Variants in CCSER1 observed in about 807,000 individuals in gnomAD.
CCSER1 encodes the protein serine-rich coiled-coil domain-containing protein 1.
CCSER1 carries 41 observed loss-of-function variants against 82.0 expected under a neutral mutation model. The ratio of observed to expected loss-of-function variants is 0.50; its 90% CI spans 0.39 to 0.65. The LOEUF is 0.65. Ranked by LOEUF, CCSER1 falls within the 30% of genes least tolerant of loss-of-function variation. CCSER1 has a pLI of 0.00. For missense variants in CCSER1, 1,119 were observed against 1,064.2 expected (o/e 1.05, Z -0.72); for synonymous variants, 414 against 383.9 (o/e 1.08, Z -0.92).
chr4:90,564,243 T>TG (rs1553944768), intron 5 of CCSER1, among the ~76,000 whole-genome samples: 5 of 151,968 alleles, frequency 3.3e-5, no homozygotes, highest in African/African-American at 7.3e-5. Flanking sequence ...TTCATAGAGA[T>TG]GGGGGTCTCA....
intron 1 of CCSER1, among the ~76,000 whole-genome samples, chr4:90,231,751 G>T (rs936668808): frequency 1.3e-5 from 2 of 152,132 alleles, no homozygotes; most frequent in African/African-American, 4.8e-5. Flanking sequence ...ATCTCCTTAA[G>T]CTGCTAAGCA....
chr4:90,852,500 A>C (rs976178203), intron 8 of CCSER1, among the ~76,000 whole-genome samples: 1 of 152,212 alleles, frequency 6.6e-6, no homozygotes, highest in African/African-American at 2.4e-5. Flanking sequence ...GATACTGCAG[A>C]AGCTGCTCAC....
chr4:91,504,814 G>A (rs777544605), intron 10 of CCSER1, among the ~76,000 whole-genome samples: 93 of 152,234 alleles, frequency 6.1e-4, no homozygotes, highest in Non-Finnish European at 1.1e-3. Context: ...AATAATTATG[G>A]TGAGAAGGAG....
chr4:91,054,397 G>A lies in CCSER1; in HGVS notation c.2173-31553G>A, dbSNP rs180832879. Among the ~76,000 whole-genome samples the A allele has an allele frequency of 1.1e-4, 17 of 152,194 alleles. No homozygotes were observed. In the East Asian group the frequency reaches 3.3e-3, roughly 29 times the overall value. On this transcript the variant is annotated intron_variant, in intron 9 of 10. Transcript: ENST00000509176. ...TATTTACCTAGTTTTCATTTAGATG[G>A]AATCTTTTATTTATTTTTTGTTATA... is the stretch of plus-strand genomic sequence containing the variant.
At chr4:91,309,595 T>C (rs1745313977) in intron 10 of CCSER1, among the ~76,000 whole-genome samples, 2 of 152,036 alleles carry the variant, frequency 1.3e-5, no homozygotes, top group South Asian at 2.1e-4. Flanking sequence ...GAATGTTTGC[T>C]TAAGACAGTG....
At chr4:90,315,160 C>CT (rs1208900357) in intron 3 of CCSER1, among the ~76,000 whole-genome samples, 1 of 152,046 alleles carries the variant, frequency 6.6e-6, no homozygotes, top group East Asian at 1.9e-4. Flanking sequence ...CTCCGATCCG[C>CT]TTTTAAGATT....
intron 3 of CCSER1, among the ~76,000 whole-genome samples, chr4:90,359,835 AT>A (rs1744989813): frequency 6.6e-6 from 1 of 150,534 alleles, no homozygotes; most frequent in African/African-American, 2.4e-5. Context: ...GTGTATATAT[AT>A]GTGTATATAT....
Position 90,566,535 on chromosome 4 carries a change from T to G in CCSER1, c.1725-61490T>G, listed in dbSNP as rs567757067. On this transcript the variant is annotated intron_variant, in intron 5 of 10. Coordinates refer to ENST00000509176, the MANE Select transcript of CCSER1 (RefSeq NM_001145065.2). ...TTACTAGTTACTGTATCTTACTGTATGCATCAAGGGCTTTATTCATTTCTT... is the reference window on the plus strand; with the variant it reads ...TTACTAGTTACTGTATCTTACTGTAGGCATCAAGGGCTTTATTCATTTCTT... Among the ~76,000 whole-genome samples the G allele has an allele frequency of 1.1e-4, 17 of 152,152 alleles. 1 individual carries two copies. The South Asian group carries it at 3.3e-3, about 30-fold the overall frequency.
rs1253754575 is a variant in CCSER1, at chr4:90,846,385, A to G, written c.2094+30540A>G. Among the ~76,000 whole-genome samples, 15 of 152,194 alleles carry G rather than the reference A, an allele frequency of 9.9e-5. 1 individual carries two copies. The highest frequency in any genetic ancestry group is 9.8e-4 in the Admixed American group (15 of 15,282). On this transcript the variant is annotated intron_variant, in intron 8 of 10. Transcript: ENST00000509176. ...TTATTGGAATAAAATTATTTTCTTT[A>G]TAGAGATCTATTTAATATTGTTATA...
At chr4:91,153,095 C>G (rs7684465) in intron 10 of CCSER1, among the ~76,000 whole-genome samples, 3 of 151,788 alleles carry the variant, frequency 2.0e-5, no homozygotes, top group Admixed American at 6.6e-5. Context: ...GATAATATCC[C>G]GCAGAGTGTT....
chr4:90,831,945 G>A (rs893773094), intron 8 of CCSER1, among the ~76,000 whole-genome samples: 1 of 151,626 alleles, frequency 6.6e-6, no homozygotes, highest in African/African-American at 2.4e-5. Flanking sequence ...TATATGTTTT[G>A]TATCTTGCTT....
At chr4:91,186,999 C>A (rs1347783563) in intron 10 of CCSER1, among the ~76,000 whole-genome samples, 1 of 152,186 alleles carries the variant, frequency 6.6e-6, no homozygotes, top group Non-Finnish European at 1.5e-5. Context: ...TAGTTTATGG[C>A]CAGATTTTGG....
At chr4:90,856,930 TG>T (rs965240708) in intron 8 of CCSER1, among the ~76,000 whole-genome samples, 1 of 148,370 alleles carries the variant, frequency 6.7e-6, no homozygotes, top group African/African-American at 2.6e-5. Flanking sequence ...CATTCGGAGC[TG>T]GATTTTTTTT....
rs1192094467 is a variant in CCSER1, at chr4:91,565,025, GTTGTGTGTGTGTGTGTGTGTGT to G, written c.2218-33546_2218-33525del. Among the ~76,000 whole-genome samples the G allele has an allele frequency of 7.8e-4, 94 of 120,424 alleles. 1 individual carries two copies. Among genetic ancestry groups the G allele is most frequent in the East Asian group, 3.9e-3 (16 of 4,092 alleles). The allele number at this position is 120,424 out of a possible 152,430, so 79.0% of individuals were successfully genotyped here. Reference sequence around the variant, plus strand: ...AATTTAAGTCTTTAATGCACCTTGAGTTGTGTGTGTGTGTGTGTGTGTGTGTGTGTGTGTGTGTGTGTGTGTG... The same window carrying G: ...AATTTAAGTCTTTAATGCACCTTGAGGTGTGTGTGTGTGTGTGTGTGTGTG... On this transcript the variant is annotated intron_variant, in intron 10 of 10. Coordinates refer to ENST00000509176, the MANE Select transcript of CCSER1 (RefSeq NM_001145065.2).
chr4:91,483,850 A>G (rs181755020), intron 10 of CCSER1, among the ~76,000 whole-genome samples: 28 of 152,330 alleles, frequency 1.8e-4, no homozygotes, highest in Admixed American at 3.9e-4. Context: ...AAGAACAAAC[A>G]TAAATATTCT....
At chr4:90,312,250 A>G (rs115032053) in intron 2 of CCSER1, among the ~76,000 whole-genome samples, 33 of 152,278 alleles carry the variant, frequency 2.2e-4, no homozygotes, top group African/African-American at 7.5e-4. Flanking sequence ...GAGCAGAGTG[A>G]TGGAGGGGAG....
intron 10 of CCSER1, among the ~76,000 whole-genome samples, chr4:91,580,784 C>A (rs1763691907): frequency 6.6e-6 from 1 of 151,724 alleles, no homozygotes; most frequent in Admixed American, 6.6e-5. Context: ...GCCTCCTTGA[C>A]AATTTGGCTT....
intron 9 of CCSER1, among the ~76,000 whole-genome samples, chr4:90,954,904 A>G (rs1198282061): frequency 1.3e-5 from 2 of 152,152 alleles, no homozygotes; most frequent in Non-Finnish European, 2.9e-5. Flanking sequence ...TGATTCTTCT[A>G]TATACATGTA....
chr4:91,498,319 G>T (rs989528237), intron 10 of CCSER1, among the ~76,000 whole-genome samples: 1 of 151,894 alleles, frequency 6.6e-6, no homozygotes, highest in East Asian at 1.9e-4. Context: ...TAGTTACACT[G>T]TATATTATCC....
Sources: allele counts gnomAD v4.1 joint callset (sites outside exome capture counted in the v4.1 genomes callset), GRCh38; gene constraint gnomAD v4.1.1; transcripts MANE v1.5; gene names NCBI Gene and HGNC (gene_info 2026-07-23, HGNC 2026-07-21).